Variants in DAPL1 observed in about 807,000 individuals in gnomAD.
The protein encoded by DAPL1 is death-associated protein-like 1.
Under a neutral mutation model 12.9 loss-of-function variants are expected in DAPL1, and 17 were observed. The ratio of observed to expected loss-of-function variants is 1.32; its 90% CI spans 0.90 to 1.98. DAPL1 has a LOEUF of 1.98. Among genes scored for constraint, DAPL1 ranks in the 30% most tolerant of loss-of-function variants. DAPL1 has a pLI of 0.00. For missense variants in DAPL1, 157 were observed against 125.7 expected (o/e 1.25, Z -1.19); for synonymous variants, 51 against 42.0 (o/e 1.21, Z -0.82).
chr2:158,808,561 G>C (rs1018865343), intron 3 of DAPL1, among the ~76,000 whole-genome samples: 2 of 152,160 alleles, frequency 1.3e-5, no homozygotes, highest in African/African-American at 4.8e-5. Flanking sequence ...AGATCTTGAT[G>C]ATGAGCCATA....
chr2:158,795,542 C>A, intron 1 of DAPL1, 112 bp downstream of exon 1: 1 of 998,566 alleles, frequency 1.0e-6, no homozygotes. Flanking sequence ...CCCAGTATGA[C>A]TTTAACTCCA....
At chr2:158,807,416 G>C (rs1182482658) in intron 3 of DAPL1, among the ~76,000 whole-genome samples, 4 of 152,188 alleles carry the variant, frequency 2.6e-5, no homozygotes, top group African/African-American at 9.7e-5. Flanking sequence ...TGGAAACATT[G>C]GCATGTTTTT....
intron 3 of DAPL1, among the ~76,000 whole-genome samples, chr2:158,813,162 T>C (rs958040880): frequency 1.3e-5 from 2 of 152,184 alleles, no homozygotes; most frequent in African/African-American, 4.8e-5. Flanking sequence ...ATTCTACCTA[T>C]GGGAGGTACC....
At chr2:158,799,339 A>C (rs141499137) in intron 1 of DAPL1, among the ~76,000 whole-genome samples, 17 of 152,334 alleles carry the variant, frequency 1.1e-4, no homozygotes, top group African/African-American at 3.6e-4. Flanking sequence ...AGGTTCAAAA[A>C]GCAGGATAGT....
intron 3 of DAPL1, among the ~76,000 whole-genome samples, chr2:158,809,085 G>T (rs971647631): frequency 6.6e-6 from 1 of 152,054 alleles, no homozygotes; most frequent in African/African-American, 2.4e-5. Context: ...AACAGGCCAG[G>T]CACGGTGGCT....
intron 2 of DAPL1, 92 bp from the exon 3 acceptor site, chr2:158,806,963 A>C: frequency 1.1e-6 from 1 of 930,734 alleles, no homozygotes; most frequent in African/African-American, 1.6e-5. Context: ...GAAAGCATAA[A>C]AGGCTGGAGA....
intron 3 of DAPL1, among the ~76,000 whole-genome samples, chr2:158,810,312 A>C (rs1273949480): frequency 1.3e-5 from 2 of 152,348 alleles, no homozygotes; most frequent in East Asian, 3.9e-4. Flanking sequence ...ACAGCTGGTC[A>C]GAATAAATGC....
intron 2 of DAPL1, among the ~76,000 whole-genome samples, chr2:158,804,898 A>G (rs945368021): frequency 6.6e-6 from 1 of 152,238 alleles, no homozygotes; most frequent in African/African-American, 2.4e-5. Context: ...TCCTTCCACC[A>G]TAACATTGAC....
chr2:158,804,403 GGAGTTTTGAGT>G (rs1463777593), intron 2 of DAPL1, 34 bp downstream of exon 2: 1 of 1,482,316 alleles, frequency 6.7e-7, no homozygotes, highest in Non-Finnish European at 9.3e-7. Flanking sequence ...ATCACCTTGA[GGAGTTTTGAGT>G]GACTCTGCCT....
chr2:158,796,054 C>A (rs1489287879), intron 1 of DAPL1, among the ~76,000 whole-genome samples: 4 of 151,172 alleles, frequency 2.6e-5, no homozygotes, highest in African/African-American at 9.7e-5. Context: ...CCATAGTTGT[C>A]TTTTTTTTTA....
chr2:158,798,426 T>C (rs930123163), intron 1 of DAPL1, among the ~76,000 whole-genome samples: 1 of 152,168 alleles, frequency 6.6e-6, no homozygotes, highest in East Asian at 1.9e-4. Context: ...ACCATGAAGT[T>C]AGAAGAGAGA....
chr2:158,806,995 T>C (rs2059205917), intron 2 of DAPL1, 60 bp from the exon 3 acceptor site: 1 of 1,235,712 alleles, frequency 8.1e-7, no homozygotes, highest in African/African-American at 1.5e-5. Flanking sequence ...ATAAATCATG[T>C]GGCCTTTTCA....
intron 3 of DAPL1, among the ~76,000 whole-genome samples, chr2:158,809,676 T>A (rs2105155077): frequency 6.6e-6 from 1 of 152,290 alleles, no homozygotes; most frequent in South Asian, 2.1e-4. Flanking sequence ...ACATGCGCAG[T>A]GCTAGGATAC....
intron 3 of DAPL1, 81 bp from the exon 4 acceptor site, chr2:158,815,623 AC>A: frequency 1.2e-6 from 1 of 855,124 alleles, no homozygotes; most frequent in East Asian, 2.4e-5. Context: ...CCCTTGATCA[AC>A]GATATCACTT....
intron 1 of DAPL1, among the ~76,000 whole-genome samples, chr2:158,799,635 G>GATATAGTGCATCCA (rs1458685071): frequency 2.0e-5 from 3 of 152,098 alleles, no homozygotes; most frequent in African/African-American, 7.2e-5. Flanking sequence ...TCCATCTGTA[G>GATATAGTGCATCCA]TCTAGGGATA....
chr2:158,798,059 A>C (rs2059144474), intron 1 of DAPL1, among the ~76,000 whole-genome samples: 1 of 152,108 alleles, frequency 6.6e-6, no homozygotes, highest in Non-Finnish European at 1.5e-5. Flanking sequence ...AGCACCAAAA[A>C]TGTGTGAGTA....
intron 1 of DAPL1, among the ~76,000 whole-genome samples, chr2:158,799,677 T>C (rs1460007901): frequency 6.6e-6 from 1 of 152,156 alleles, no homozygotes; most frequent in African/African-American, 2.4e-5. Context: ...TGTACATAGA[T>C]GACTGAGTAA....
intron 1 of DAPL1, among the ~76,000 whole-genome samples, chr2:158,798,651 G>A (rs1225785563): frequency 6.6e-6 from 1 of 152,088 alleles, no homozygotes; most frequent in African/African-American, 2.4e-5. Context: ...GTGGGAAGTG[G>A]AGCTGGAATT....
chr2:158,805,871 A>C (rs2059198083), intron 2 of DAPL1, among the ~76,000 whole-genome samples: 1 of 148,680 alleles, frequency 6.7e-6, no homozygotes, highest in South Asian at 2.1e-4. Context: ...AGTACCAGGG[A>C]CAGAAACAGG....
Sources: gnomAD v4.1 joint callset for allele counts (sites outside exome capture counted in the v4.1 genomes callset) on GRCh38, gnomAD v4.1.1 for gene constraint, MANE v1.5 for transcripts, NCBI Gene and HGNC (gene_info 2026-07-23, HGNC 2026-07-21) for gene names.